DAB1: variants seen among roughly 807,000 people sequenced by gnomAD.
DAB1 encodes the protein disabled homolog 1.
A neutral mutation model predicts 64.6 loss-of-function variants in DAB1; 15 were observed. The observed-to-expected ratio is 0.23, with a 90% confidence interval of 0.16 to 0.36. DAB1 has a LOEUF of 0.36. DAB1 is among the 10% of genes least tolerant of loss of function. DAB1 has a pLI of 1.00. For missense variants in DAB1, 596 were observed against 706.7 expected (o/e 0.84, Z 1.78); for synonymous variants, 235 against 251.9 (o/e 0.93, Z 0.64).
chr1:57,013,598 A>C (rs775310588), intron 12 of DAB1, among the ~76,000 whole-genome samples: 1 of 152,210 alleles, frequency 6.6e-6, no homozygotes, highest in Non-Finnish European at 1.5e-5. Flanking sequence ...AAATGGCACA[A>C]TCTAATTGTA....
intron 5 of DAB1, among the ~76,000 whole-genome samples, chr1:58,034,302 C>G (rs975019199): frequency 1.3e-5 from 2 of 152,170 alleles, no homozygotes; most frequent in African/African-American, 4.8e-5. Flanking sequence ...AGTCCAAATG[C>G]CTGCCAGGAG....
intron 1 of DAB1, among the ~76,000 whole-genome samples, chr1:57,374,642 C>T (rs1260591026): frequency 2.0e-5 from 3 of 152,140 alleles, no homozygotes; most frequent in African/African-American, 7.2e-5. Context: ...CCTGCCCTTC[C>T]TGGTCTCTTC....
chr1:57,506,731 C>T (rs1027295640), intron 7 of DAB1, among the ~76,000 whole-genome samples: 1 of 152,172 alleles, frequency 6.6e-6, no homozygotes, highest in African/African-American at 2.4e-5. Flanking sequence ...ATGCCTTTTT[C>T]CACTTACCCA....
At chr1:57,863,848 A>ACATAG (rs1654177162) in intron 1 of DAB1, among the ~76,000 whole-genome samples, 1 of 152,222 alleles carries the variant, frequency 6.6e-6, no homozygotes, top group Non-Finnish European at 1.5e-5. Flanking sequence ...AGGGCCTGGA[A>ACATAG]CATAGCTCAC....
At chr1:57,605,305 G>A (rs1645623103) in intron 7 of DAB1, among the ~76,000 whole-genome samples, 1 of 152,200 alleles carries the variant, frequency 6.6e-6, no homozygotes, top group Non-Finnish European at 1.5e-5. Flanking sequence ...CTTCTAGGGT[G>A]TTGGTGTTGC....
intron 7 of DAB1, among the ~76,000 whole-genome samples, chr1:57,436,286 T>A (rs1339404822): frequency 6.6e-6 from 1 of 152,206 alleles, no homozygotes; most frequent in Non-Finnish European, 1.5e-5. Flanking sequence ...CACAGACATG[T>A]GAGTATGCAT....
At chr1:58,088,821 C>A (rs1650470985) in intron 5 of DAB1, among the ~76,000 whole-genome samples, 1 of 152,122 alleles carries the variant, frequency 6.6e-6, no homozygotes, top group Non-Finnish European at 1.5e-5. Flanking sequence ...GACATCAAGG[C>A]TACAACACCA....
intron 5 of DAB1, among the ~76,000 whole-genome samples, chr1:57,982,509 G>A (rs1407928868): frequency 6.6e-6 from 1 of 152,138 alleles, no homozygotes; most frequent in Non-Finnish European, 1.5e-5. Context: ...CCAAGCTGGT[G>A]TCAGGATGAG....
At chr1:57,343,732 G>C (rs1369378029) in intron 1 of DAB1, among the ~76,000 whole-genome samples, 1 of 152,224 alleles carries the variant, frequency 6.6e-6, no homozygotes, top group Non-Finnish European at 1.5e-5. Context: ...CGCCCACCCA[G>C]AACTCGCGCT....
chr1:57,483,186 A>AT (rs1188940352), intron 7 of DAB1, among the ~76,000 whole-genome samples: 1 of 152,170 alleles, frequency 6.6e-6, no homozygotes, highest in South Asian at 2.1e-4. Flanking sequence ...TATAACATGT[A>AT]TTTTTTATAA....
intron 7 of DAB1, among the ~76,000 whole-genome samples, chr1:57,536,271 A>C (rs1007112863): frequency 6.6e-6 from 1 of 152,176 alleles, no homozygotes; most frequent in Non-Finnish European, 1.5e-5. Flanking sequence ...CAAATCCCTC[A>C]ACTGATCCAT....
At chr1:58,017,479 T>A (rs1172645250) in intron 5 of DAB1, among the ~76,000 whole-genome samples, 1 of 152,304 alleles carries the variant, frequency 6.6e-6, no homozygotes, top group East Asian at 1.9e-4. Flanking sequence ...CAAGCAGAGC[T>A]GAAATGCTCC....
intron 6 of DAB1, among the ~76,000 whole-genome samples, chr1:57,796,256 G>C (rs539148604): frequency 9.3e-4 from 141 of 152,100 alleles, no homozygotes; most frequent in African/African-American, 3.3e-3. Context: ...GGCTGGGCGC[G>C]GTGGCTCACG....
In DAB1 at chr1:57,146,708, T is replaced by C. The variant is rs533285941; in HGVS notation, c.68-1279A>G. On this transcript the variant is annotated intron_variant, in intron 2 of 14. Coordinates refer to ENST00000371236, the MANE Select transcript of DAB1 (RefSeq NM_001365792.1). ...CTGAGCATCTCCTCTGTACCGGTGCTATTATTCACTGGCAACAGATGAATG... is the reference window on the plus strand; with the variant it reads ...CTGAGCATCTCCTCTGTACCGGTGCCATTATTCACTGGCAACAGATGAATG... Among the ~76,000 whole-genome samples the C allele has an allele frequency of 3.9e-5, 6 of 152,360 alleles. No homozygotes were observed. The East Asian group carries it at 1.2e-3, about 29-fold the overall frequency.
At chr1:57,908,926 T>C (rs1053630912) in intron 5 of DAB1, among the ~76,000 whole-genome samples, 3 of 152,166 alleles carry the variant, frequency 2.0e-5, no homozygotes, top group Non-Finnish European at 4.4e-5. Context: ...ATGGTGCTGC[T>C]CTTCACTTTA....
At chr1:57,500,048 A>G (rs1644273047) in intron 7 of DAB1, among the ~76,000 whole-genome samples, 1 of 152,238 alleles carries the variant, frequency 6.6e-6, no homozygotes, top group African/African-American at 2.4e-5. Flanking sequence ...TCCATCTCTA[A>G]TGATAAAAAT....
chr1:57,345,891 T>C (rs894752966), intron 1 of DAB1, among the ~76,000 whole-genome samples: 41 of 152,312 alleles, frequency 2.7e-4, no homozygotes, highest in Non-Finnish European at 4.1e-4. Flanking sequence ...GCAATTTAAA[T>C]GTACAACATA....
At chr1:58,009,521 A>G (rs1646637227) in intron 5 of DAB1, among the ~76,000 whole-genome samples, 1 of 152,222 alleles carries the variant, frequency 6.6e-6, no homozygotes, top group Non-Finnish European at 1.5e-5. Context: ...TAGGGTTAAT[A>G]GAGAGATAAA....
At chr1:57,195,355 A>G (rs1445799353) in intron 2 of DAB1, among the ~76,000 whole-genome samples, 3 of 152,234 alleles carry the variant, frequency 2.0e-5, no homozygotes, top group Non-Finnish European at 4.4e-5. Flanking sequence ...CACTTAACAT[A>G]TATTTGAGGA....
Sources: gnomAD v4.1 joint callset for allele counts (sites outside exome capture counted in the v4.1 genomes callset) on GRCh38, gnomAD v4.1.1 for gene constraint, MANE v1.5 for transcripts, NCBI Gene and HGNC (gene_info 2026-07-23, HGNC 2026-07-21) for gene names.